NTM: variants seen among roughly 807,000 people sequenced by gnomAD.
The protein encoded by NTM is IgLON family member 2.
In NTM, 13 loss-of-function variants were observed where a neutral mutation model predicts 42.1. The observed-to-expected ratio is 0.31, with a 90% CI of 0.20 to 0.49. The LOEUF (loss-of-function observed/expected upper bound fraction) is 0.49, where lower values mean the gene tolerates loss of function less well. Ranked by LOEUF, NTM falls within the 20% of genes least tolerant of loss-of-function variation. The probability of loss-of-function intolerance (pLI) is 0.99; values close to 1 mark genes in which losing one functional copy is unlikely to be tolerated. For missense variants in NTM, 373 were observed against 452.8 expected, an observed-to-expected ratio of 0.82 and a Z score of 1.60; for synonymous variants, 187 against 179.2, an observed-to-expected ratio of 1.04 and a Z score of -0.35.
chr11:131,510,310 C>T (rs955106788), intron 1 of NTM, among the ~76,000 whole-genome samples: 4 of 152,226 alleles, frequency 2.6e-5, no homozygotes, highest in Non-Finnish European at 4.4e-5. Flanking sequence ...GTACTTCCCA[C>T]CACTTCAGCC....
At chr11:131,874,584 T>C (rs2048310466) in intron 1 of NTM, among the ~76,000 whole-genome samples, 1 of 152,220 alleles carries the variant, frequency 6.6e-6, no homozygotes. Flanking sequence ...AAACCTTTAC[T>C]ATTTTACTAT....
Position 132,178,583 on chromosome 11 carries a change from G to T in NTM, c.400+32069G>T, listed in dbSNP as rs1455316792. ...ATAAATAATTATGAAAAGTTTGATA[G>T]ACAGCCTTTTCAAATGTAAAGTAAT... On this transcript the variant is annotated intron_variant, in intron 3 of 8. Coordinates refer to ENST00000683400, the MANE Select transcript of NTM (RefSeq NM_001352005.2). 2.1e-5 allele frequency among the ~76,000 whole-genome samples: 3 copies of T among 145,510 alleles called. No individual in the cohort carries two copies. The East Asian group carries it at 5.8e-4, about 28-fold the overall frequency.
chr11:132,151,199 T>C (rs1353789359), intron 3 of NTM, among the ~76,000 whole-genome samples: 1 of 152,228 alleles, frequency 6.6e-6, no homozygotes, highest in Non-Finnish European at 1.5e-5. Flanking sequence ...TACTACTGTC[T>C]CCATTGTTCC....
intron 1 of NTM, among the ~76,000 whole-genome samples, chr11:131,597,795 G>A (rs1254924393): frequency 6.6e-6 from 1 of 152,244 alleles, no homozygotes; most frequent in Non-Finnish European, 1.5e-5. Flanking sequence ...CCAGCACCAA[G>A]CAGCTCCTTG....
At chr11:132,142,545 G>A (rs962663304) in intron 2 of NTM, among the ~76,000 whole-genome samples, 6 of 152,142 alleles carry the variant, frequency 3.9e-5, no homozygotes, top group African/African-American at 1.2e-4. Context: ...GAGGAGACTG[G>A]ATCAATGAGA....
chr11:131,650,797 T>C (rs999747679), intron 1 of NTM, among the ~76,000 whole-genome samples: 1 of 152,238 alleles, frequency 6.6e-6, no homozygotes, highest in Non-Finnish European at 1.5e-5. Flanking sequence ...AATTCTGTTA[T>C]ATAATTTCAA....
intron 2 of NTM, among the ~76,000 whole-genome samples, chr11:131,933,395 A>C (rs2134118377): frequency 6.6e-6 from 1 of 152,314 alleles, no homozygotes; most frequent in South Asian, 2.1e-4. Context: ...CTTGTGTTTC[A>C]GCTGGGAGTT....
At chr11:132,065,834 C>T (rs1417458498) in intron 2 of NTM, among the ~76,000 whole-genome samples, 1 of 152,192 alleles carries the variant, frequency 6.6e-6, no homozygotes, top group Non-Finnish European at 1.5e-5. Context: ...TTATTGCTTA[C>T]ATTAAACTCA....
At chr11:131,658,074 A>C (rs1474757286) in intron 1 of NTM, among the ~76,000 whole-genome samples, 1 of 152,172 alleles carries the variant, frequency 6.6e-6, no homozygotes, top group African/African-American at 2.4e-5. Flanking sequence ...ATCGTGGGAC[A>C]ACATGGTTTT....
chr11:131,901,143 G>A (rs2053102374), intron 1 of NTM, among the ~76,000 whole-genome samples: 2 of 152,296 alleles, frequency 1.3e-5, no homozygotes, highest in East Asian at 1.9e-4. Flanking sequence ...AACCCTCACA[G>A]CAAATATAAG....
intron 1 of NTM, among the ~76,000 whole-genome samples, chr11:131,410,193 A>G (rs1422487613): frequency 6.6e-6 from 1 of 152,156 alleles, no homozygotes; most frequent in Non-Finnish European, 1.5e-5. Flanking sequence ...AGTTCCATCA[A>G]GGAGGGTGCA....
intron 1 of NTM, among the ~76,000 whole-genome samples, chr11:131,375,276 C>A (rs1193620702): frequency 6.6e-6 from 1 of 152,224 alleles, no homozygotes; most frequent in Non-Finnish European, 1.5e-5. Context: ...ACACTCCAAA[C>A]ATGTGGTGCT....
chr11:132,288,636 T>G (rs903980471), intron 4 of NTM, among the ~76,000 whole-genome samples: 5 of 152,134 alleles, frequency 3.3e-5, no homozygotes, highest in East Asian at 1.9e-4. Context: ...TCTTTTTTTT[T>G]GGGACAGAGT....
intron 1 of NTM, chr11:131,660,491 C>A: frequency 2.2e-6 from 1 of 457,450 alleles, no homozygotes. Context: ...ACCTTCCTCC[C>A]TCCTCCCGAG....
chr11:132,163,285 C>T (rs2074708774), intron 3 of NTM, among the ~76,000 whole-genome samples: 1 of 152,174 alleles, frequency 6.6e-6, no homozygotes. Flanking sequence ...TCCTAGGGCA[C>T]AATGACTCGG....
At chr11:132,266,890 G>T (rs1038675538) in intron 4 of NTM, among the ~76,000 whole-genome samples, 3 of 152,172 alleles carry the variant, frequency 2.0e-5, no homozygotes, top group African/African-American at 4.8e-5. Flanking sequence ...AATAGATTTT[G>T]AATGTAAATG....
intron 1 of NTM, among the ~76,000 whole-genome samples, chr11:131,614,319 G>A (rs1255939551): frequency 1.3e-5 from 2 of 152,228 alleles, no homozygotes; most frequent in African/African-American, 4.8e-5. Flanking sequence ...CAGAAGGGCC[G>A]TGCAGAGTTC....
At chr11:132,037,991 A>G (rs2076712870) in intron 2 of NTM, among the ~76,000 whole-genome samples, 1 of 152,230 alleles carries the variant, frequency 6.6e-6, no homozygotes, top group Non-Finnish European at 1.5e-5. Flanking sequence ...TTAACTATGT[A>G]AATAGGCAGA....
At chr11:132,085,204 G>A (rs768653173) in intron 2 of NTM, among the ~76,000 whole-genome samples, 2 of 152,124 alleles carry the variant, frequency 1.3e-5, no homozygotes. Flanking sequence ...TTTTACTAAA[G>A]ACACATTTTA....
Sources: gnomAD v4.1 joint callset for allele counts (sites outside exome capture counted in the v4.1 genomes callset) on GRCh38, gnomAD v4.1.1 for gene constraint, MANE v1.5 for transcripts, NCBI Gene and HGNC (gene_info 2026-07-23, HGNC 2026-07-21) for gene names.